The following USP34 variants were observed in gnomAD, a reference collection of about 807,000 sequenced individuals.
The protein encoded by USP34 is ubiquitin carboxyl-terminal hydrolase 34.
In USP34, 70 loss-of-function variants were observed where a neutral mutation model predicts 460.3. The ratio of observed to expected loss-of-function variants is 0.15; its 90% CI spans 0.13 to 0.19. The LOEUF is 0.19. USP34 is among the 10% of genes least tolerant of loss of function. USP34 has a pLI of 1.00. For synonymous variants in USP34, 1,647 were observed against 1,405.3 expected (o/e 1.17, Z -3.85); for missense variants, 3,985 against 4,236.2 (o/e 0.94, Z 1.65).
At chr2:61,371,425 A>T (rs1692621855) in intron 8 of USP34, among the ~76,000 whole-genome samples, 1 of 145,574 alleles carries the variant, frequency 6.9e-6, no homozygotes, top group African/African-American at 2.5e-5. Flanking sequence ...TGACAGCTCC[A>T]TGTGTATTAT....
chr2:61,291,562 A>G (rs140005005), intron 33 of USP34, among the ~76,000 whole-genome samples: 64 of 152,312 alleles, frequency 4.2e-4, no homozygotes, highest in South Asian at 1.9e-3. Context: ...ACATTTCACC[A>G]AAGATTTATG....
At chr2:61,321,535 TA>T (rs1411720568) in intron 21 of USP34, among the ~76,000 whole-genome samples, 1 of 152,224 alleles carries the variant, frequency 6.6e-6, no homozygotes, top group African/African-American at 2.4e-5. Context: ...TTGTAAAATT[TA>T]AAATCACATT....
chr2:61,383,355 A>T lies in USP34; in HGVS notation c.754-19T>A, dbSNP rs751323310. 1.9e-6 allele frequency: 3 copies of T among 1,546,400 alleles called. No individual in the cohort carries two copies. The highest frequency in any genetic ancestry group is 2.6e-6 in the Non-Finnish European group (3 of 1,134,144). The stretch of plus-strand genomic sequence containing the variant: ...TTCTAATCTATATAAGAAACATAAA[A>T]ACAACATTAATGCCTAATATGTGAA... On this transcript the variant is annotated intron_variant, in intron 5 of 79. Coordinates refer to ENST00000398571, the MANE Select transcript of USP34 (RefSeq NM_014709.4).
chr2:61,370,812 G>A (rs1225562298), intron 8 of USP34, among the ~76,000 whole-genome samples: 1 of 152,122 alleles, frequency 6.6e-6, no homozygotes, highest in Non-Finnish European at 1.5e-5. Context: ...AAAAGGTAAC[G>A]ATTAACACCA....
intron 10 of USP34, among the ~76,000 whole-genome samples, chr2:61,362,192 T>C (rs564983421): frequency 6.6e-6 from 1 of 152,284 alleles, no homozygotes; most frequent in East Asian, 1.9e-4. Flanking sequence ...ATGGGAATCC[T>C]TATACACTGT....
intron 2 of USP34, among the ~76,000 whole-genome samples, chr2:61,416,608 C>G (rs1694201133): frequency 6.6e-6 from 1 of 152,154 alleles, no homozygotes; most frequent in South Asian, 2.1e-4. Context: ...GAATTATGCT[C>G]TGTGGTATCG....
rs1572876733 is a variant in USP34 at position 61,256,785 on chromosome 2, T to C, written c.6126+88A>G. The stretch of plus-strand genomic sequence containing the variant: ...AAATACATAAAAACATGAAAAAAGT[T>C]TAAAAATATCAAGATGACCAACACA... On this transcript the variant is annotated intron_variant, in intron 47 of 79. Transcript: ENST00000398571. 1.6e-5 allele frequency: 16 copies of C among 1,014,236 alleles called. No individual in the cohort carries two copies. The East Asian group carries it at 4.2e-4, about 26-fold the overall frequency. 62.8% of individuals were successfully genotyped at this position (1,014,236 alleles called of 1,614,324 possible). A position where few individuals can be genotyped will look rare whatever the true frequency, so the allele number is the denominator to read the frequency against.
At chr2:61,279,981 T>C (rs1572896398) in intron 39 of USP34, among the ~76,000 whole-genome samples, 2 of 152,224 alleles carry the variant, frequency 1.3e-5, no homozygotes, top group South Asian at 4.1e-4. Context: ...CCAAATAAGA[T>C]GTTACATCCA....
intron 3 of USP34, among the ~76,000 whole-genome samples, chr2:61,397,110 G>A (rs1481029264): frequency 2.6e-5 from 4 of 152,010 alleles, no homozygotes; most frequent in Admixed American, 2.0e-4. Context: ...AAGTTCAAAG[G>A]CCTTTCAAAG....
At chr2:61,262,803 G>C (rs1688931132) in intron 43 of USP34, among the ~76,000 whole-genome samples, 3 of 152,198 alleles carry the variant, frequency 2.0e-5, no homozygotes, top group Admixed American at 2.0e-4. Context: ...TCCATCAGCA[G>C]TGTATATGCA....
intron 41 of USP34, among the ~76,000 whole-genome samples, chr2:61,269,478 A>C (rs1332685959): frequency 2.0e-5 from 3 of 152,088 alleles, no homozygotes; most frequent in African/African-American, 7.2e-5. Context: ...AGATGAATAA[A>C]AGTTGCTACA....
intron 33 of USP34, among the ~76,000 whole-genome samples, chr2:61,292,677 A>G (rs1345172535): frequency 6.6e-6 from 1 of 152,148 alleles, no homozygotes; most frequent in Non-Finnish European, 1.5e-5. Context: ...AAACAAAACA[A>G]AAAACCACAG....
chr2:61,317,717 A>G lies in USP34; in HGVS notation c.3219T>C (p.Phe1073=), dbSNP rs1485628535. 1.9e-6 allele frequency: 3 copies of G among 1,614,152 alleles called. No individual in the cohort carries two copies. The highest frequency in any genetic ancestry group is 3.3e-4 in the Middle Eastern group (2 of 6,062). ...ATCGAGCCAAGTTACAGAGATGCTG[A>G]AACAGGTTTAAGCCAGTCATGCTAA... ...ETISMTGLNL[F]QHLCNLARLA... Residue 1073 remains phenylalanine, a synonymous_variant, in exon 23 of 80, where the codon TTT becomes TTC. Coordinates refer to ENST00000398571, the MANE Select transcript of USP34 (RefSeq NM_014709.4).
rs773486493 is a variant in USP34, at chr2:61,227,090, C to T, written c.7572G>A (p.Leu2524=). Residue 2524 remains leucine, a synonymous_variant, in exon 62 of 80, where the codon TTG becomes TTA. Transcript: ENST00000398571. ...ACCTTTCTGATCGAGACTGTTCAAC[C>T]AAAAGAGCAACTAAAGCTATCATCT... is the stretch of plus-strand genomic sequence containing the variant. ...LEKMIALVAL[L]VEQSRSERHL... is the part of the protein sequence containing the mutation. 2.5e-5 allele frequency: 41 copies of T among 1,611,508 alleles called. No homozygotes were observed. The highest frequency in any genetic ancestry group is 4.0e-5 in the African/African-American group (3 of 74,762).
At chr2:61,357,779 T>A (rs1692150326) in intron 10 of USP34, among the ~76,000 whole-genome samples, 1 of 152,230 alleles carries the variant, frequency 6.6e-6, no homozygotes. Context: ...GGCACAAGCC[T>A]GTAGTCCTAG....
At chr2:61,314,450 C>A in intron 25 of USP34, 135 bp downstream of exon 25, 1 of 739,236 alleles carries the variant, frequency 1.4e-6, no homozygotes, top group South Asian at 4.2e-5. Flanking sequence ...ACTTATGTTA[C>A]TGATCCTTCA....
chr2:61,381,345 T>C (rs1321120269), intron 6 of USP34, among the ~76,000 whole-genome samples: 3 of 152,158 alleles, frequency 2.0e-5, no homozygotes, highest in Non-Finnish European at 4.4e-5. Flanking sequence ...GTTTCATTTT[T>C]TCTTTTTTTA....
At chr2:61,300,864 C>T (rs1286967219) in intron 29 of USP34, 87 bp downstream of exon 29, 14 of 856,658 alleles carry the variant, frequency 1.6e-5, no homozygotes, top group Admixed American at 5.7e-5. Context: ...TACTTTATAA[C>T]GTTTTATAAA....
rs200614659 is a variant in USP34 at position 61,235,301 on chromosome 2, G to C, written c.7032+544C>G. Among the ~76,000 whole-genome samples, 10 of 149,466 alleles carry C rather than the reference G, an allele frequency of 6.7e-5. No individual in the cohort carries two copies. The East Asian group carries it at 1.2e-3, about 18-fold the overall frequency. ...TCTATACATAGTTTTCCTTCTGGTA[G>C]ATGAAGGGGGGAAAAAATTTTTTTT... is the stretch of plus-strand genomic sequence containing the variant. On this transcript the variant is annotated intron_variant, in intron 57 of 79. Coordinates refer to ENST00000398571, the MANE Select transcript of USP34 (RefSeq NM_014709.4).
Sources: gnomAD v4.1 joint callset for allele counts (sites outside exome capture counted in the v4.1 genomes callset) on GRCh38, gnomAD v4.1.1 for gene constraint, MANE v1.5 for transcripts, NCBI Gene and HGNC (gene_info 2026-07-23, HGNC 2026-07-21) for gene names.